The following UNC13A variants were observed in gnomAD, a reference collection of about 807,000 sequenced individuals.
UNC13A encodes the protein protein unc-13 homolog A.
A neutral mutation model predicts 219.7 loss-of-function variants in UNC13A; 61 were observed. The observed-to-expected ratio is 0.28, with a 90% CI of 0.23 to 0.34. The LOEUF (loss-of-function observed/expected upper bound fraction) is 0.34. UNC13A is among the 10% of genes least tolerant of loss of function. The pLI, the probability that UNC13A is intolerant of heterozygous loss-of-function variation, is 1.00. For synonymous variants in UNC13A, 920 were observed against 884.6 expected (o/e 1.04, Z -0.71); for missense variants, 1,476 against 2,270.3 (o/e 0.65, Z 7.11).
intron 11 of UNC13A, among the ~76,000 whole-genome samples, chr19:17,653,340 A>ATATG (rs2079386801): frequency 6.6e-6 from 1 of 150,500 alleles, no homozygotes; most frequent in Non-Finnish European, 1.5e-5. Context: ...ATATATATAT[A>ATATG]TATATTTTGT....
At chr19:17,639,585 T>C (rs1347771774) in intron 23 of UNC13A, 60 bp from the exon 24 acceptor site, 1 of 1,550,068 alleles carries the variant, frequency 6.5e-7, no homozygotes, top group African/African-American at 1.4e-5. Context: ...GATGGGAGAC[T>C]GCTTTTCAGG....
At chr19:17,684,020 C>T (rs536521702) in intron 1 of UNC13A, among the ~76,000 whole-genome samples, 1 of 152,306 alleles carries the variant, frequency 6.6e-6, no homozygotes, top group Admixed American at 6.5e-5. Flanking sequence ...CACTTGAGCC[C>T]TGGAGGTCAA....
rs557540937 is a variant in UNC13A, at chr19:17,663,106, G to A, written c.559+426C>T. 9.7e-4 allele frequency among the ~76,000 whole-genome samples: 143 copies of A among 148,002 alleles called. 1 individual carries two copies. Among genetic ancestry groups the A allele is most frequent in the South Asian group, 4.6e-3 (20 of 4,364 alleles). On this transcript the variant is annotated intron_variant, in intron 8 of 43. Transcript: ENST00000519716. The stretch of plus-strand genomic sequence containing the variant: ...GGCCTGCCGTTCTGTTAGAGACCCC[G>A]CCCACCCACTACCCTCTGAGTGACA...
intron 1 of UNC13A, among the ~76,000 whole-genome samples, chr19:17,683,234 G>A (rs987655585): frequency 1.1e-4 from 16 of 152,230 alleles, no homozygotes; most frequent in Admixed American, 2.6e-4. Context: ...GTTCCACCAG[G>A]CAAGTTGTTA....
intron 25 of UNC13A, 143 bp downstream of exon 25, chr19:17,638,940 G>T: frequency 1.1e-6 from 1 of 944,906 alleles, no homozygotes; most frequent in Non-Finnish European, 1.5e-6. Context: ...CCCTAATCCT[G>T]AGATGTGGGT....
chr19:17,631,918 T>C (rs1357620167), intron 28 of UNC13A, among the ~76,000 whole-genome samples: 3 of 151,962 alleles, frequency 2.0e-5, no homozygotes, highest in Non-Finnish European at 4.4e-5. Flanking sequence ...ATAATTTTTT[T>C]CTTTGTTTTT....
chr19:17,647,825 CCT>C (rs1677456514), intron 16 of UNC13A, among the ~76,000 whole-genome samples: 2 of 143,760 alleles, frequency 1.4e-5, no homozygotes. Context: ...GCGTCCCACC[CCT>C]CTGAATCTCC....
Position 17,674,996 on chromosome 19 carries a change from G to A in UNC13A, c.53-240C>T, listed in dbSNP as rs1178839172. Among the ~76,000 whole-genome samples the A allele has an allele frequency of 6.6e-6, 1 of 152,140 alleles. No homozygotes were observed. Among genetic ancestry groups the A allele is most frequent in the Non-Finnish European group, 1.5e-5 (1 of 68,038 alleles). On this transcript the variant is annotated intron_variant, in intron 2 of 43. Transcript: ENST00000519716. The surrounding 1 kb of genome is among the most constrained non-coding windows in gnomAD (Gnocchi z 5.0). ...CCATTGGTTTTCAGCTAAAAAGACT[G>A]AGGTCCCAGAAAAGGGGAACAAAAT...
At chr19:17,688,131 C>CAG (rs2080150609) in intron 1 of UNC13A, 47 bp downstream of exon 1, 1 of 1,523,504 alleles carries the variant, frequency 6.6e-7, no homozygotes, top group Non-Finnish European at 8.8e-7. Context: ...ACCCCGACCC[C>CAG]AGCCCGCGTC....
At chr19:17,634,064 T>A (rs1381234007) in intron 26 of UNC13A, among the ~76,000 whole-genome samples, 3 of 152,126 alleles carry the variant, frequency 2.0e-5, no homozygotes, top group African/African-American at 7.2e-5. Flanking sequence ...TGTTCATCCA[T>A]CTATCCCTCC....
rs748868758 is a variant in UNC13A at position 17,655,400 on chromosome 19, A to G, written c.1284-18T>C. The G allele has an allele frequency of 1.3e-6, 2 of 1,553,674 alleles. No individual in the cohort carries two copies. The highest frequency in any genetic ancestry group is 1.7e-6 in the Non-Finnish European group (2 of 1,147,200). ...GCCTGAAACTGAGGCAGGGAACGCT[A>G]TGAGGCTCTGGGCTGGCTCTCCGTG... On this transcript the variant is annotated intron_variant, in intron 10 of 43. Coordinates refer to ENST00000519716, the MANE Select transcript of UNC13A (RefSeq NM_001080421.3).
Position 17,641,443 on chromosome 19 carries a change from C to T in UNC13A, c.2586G>A (p.Val862=). The change falls in exon 21 of 44, where the codon GTG becomes GTA. Residue 862 remains valine (V), a synonymous_variant. Transcript: ENST00000519716. ...VYYDETAQEI[V]DEFAMRYGVE... ...CGCCGTAGCGCATGGCAAACTCGTC[C>T]ACAATCTCCTGGGCTGTCTCATCGT... 1 of 1,614,168 alleles carries T rather than the reference C, an allele frequency of 6.2e-7. No homozygotes were observed.
chr19:17,616,593 G>T, intron 41 of UNC13A: 1 of 509,550 alleles, frequency 2.0e-6, no homozygotes, highest in Non-Finnish European at 3.5e-6. Context: ...AGAGGGGACG[G>T]CGAGTGAGAG....
At chr19:17,616,268 C>A in intron 41 of UNC13A, 1 of 501,574 alleles carries the variant, frequency 2.0e-6, no homozygotes, top group Non-Finnish European at 3.6e-6. Flanking sequence ...CCCGCCTGGG[C>A]CCTCCAAGCC....
chr19:17,614,789 A>G (rs994301543), intron 41 of UNC13A, among the ~76,000 whole-genome samples: 2 of 143,552 alleles, frequency 1.4e-5, no homozygotes, highest in African/African-American at 5.2e-5. Context: ...CTCCCATTCC[A>G]CCCCCACCCC....
intron 33 of UNC13A, 82 bp from the exon 34 acceptor site, chr19:17,626,867 A>C: frequency 2.0e-6 from 3 of 1,499,950 alleles, no homozygotes; most frequent in Non-Finnish European, 1.8e-6. Context: ...CCTTGAGGTC[A>C]TATCATTTGC....
intron 9 of UNC13A, among the ~76,000 whole-genome samples, 195 bp downstream of exon 9, chr19:17,657,867 T>TAAAA (rs971430450): frequency 8.2e-6 from 1 of 121,582 alleles, no homozygotes; most frequent in Admixed American, 8.5e-5. Context: ...AGACTCTGTC[T>TAAAA]AAAAAAAAAA....
rs111936661 is a variant in UNC13A, at chr19:17,625,215, G to C, written c.4074-263C>G. 1.6e-3 allele frequency among the ~76,000 whole-genome samples: 244 copies of C among 152,320 alleles called. 2 individuals are homozygous for C. The highest frequency in any genetic ancestry group is 5.6e-3 in the African/African-American group (233 of 41,556). Reference sequence around the variant, plus strand: ...CTTGGGTTTTATCAGGATGGGGGTAGTGGGGAGCCATGGAGTGTTCAAGAG... The same window carrying C: ...CTTGGGTTTTATCAGGATGGGGGTACTGGGGAGCCATGGAGTGTTCAAGAG... On this transcript the variant is annotated intron_variant, in intron 34 of 43. Coordinates refer to ENST00000519716, the MANE Select transcript of UNC13A (RefSeq NM_001080421.3).
At chr19:17,680,879 C>CT (rs2079996579) in intron 1 of UNC13A, among the ~76,000 whole-genome samples, 3 of 80,216 alleles carry the variant, frequency 3.7e-5, no homozygotes, top group South Asian at 4.5e-4. Context: ...CTTTTTTTTT[C>CT]TTTTCTTTTC....
Sources: gnomAD v4.1 joint callset for allele counts (sites outside exome capture counted in the v4.1 genomes callset) on GRCh38, gnomAD v4.1.1 for gene constraint, Gnocchi (gnomAD v3.1) non-coding constraint, MANE v1.5 for transcripts, NCBI Gene and HGNC (gene_info 2026-07-23, HGNC 2026-07-21) for gene names.